IL10RB: variants seen among roughly 807,000 people sequenced by gnomAD.
IL10RB encodes interleukin 10 receptor subunit beta.
IL10RB carries 30 observed loss-of-function variants against 38.7 expected under a neutral mutation model. The ratio of observed to expected loss-of-function variants is 0.78; its 90% CI spans 0.58 to 1.05. The LOEUF (loss-of-function observed/expected upper bound fraction) is 1.05, where lower values mean the gene tolerates loss of function less well. IL10RB is among the 50% of genes least tolerant of loss of function. The pLI, the probability that IL10RB is intolerant of heterozygous loss-of-function variation, is 0.00. For missense variants in IL10RB, 328 were observed against 397.1 expected (o/e 0.83, Z 1.48); for synonymous variants, 142 against 145.9 (o/e 0.97, Z 0.19).
downstream of IL10RB, among the ~76,000 whole-genome samples, chr21:33,300,662 A>G (rs2082983733): frequency 6.6e-6 from 1 of 152,220 alleles, no homozygotes. Context: ...ATTCGTATGT[A>G]GAAATCTTTA....
intron 2 of IL10RB, among the ~76,000 whole-genome samples, chr21:33,271,089 G>A (rs1449154921): frequency 6.6e-6 from 1 of 152,200 alleles, no homozygotes; most frequent in African/African-American, 2.4e-5. Context: ...CCACACCTGG[G>A]TTCCAGGTCT....
At chr21:33,290,057 T>C (rs1289094791) in intron 6 of IL10RB, among the ~76,000 whole-genome samples, 1 of 151,720 alleles carries the variant, frequency 6.6e-6, no homozygotes, top group Admixed American at 6.6e-5. Context: ...GAGCTGGCAG[T>C]GAGCCAAGAT....
At chr21:33,275,939 A>C (rs967181493) in intron 2 of IL10RB, among the ~76,000 whole-genome samples, 5 of 152,248 alleles carry the variant, frequency 3.3e-5, no homozygotes, top group Admixed American at 6.5e-5. Context: ...CACTGATCAC[A>C]GATCACCATA....
chr21:33,299,049 AC>A (rs1309650003), downstream of IL10RB, among the ~76,000 whole-genome samples: 2 of 152,026 alleles, frequency 1.3e-5, no homozygotes, highest in Non-Finnish European at 1.5e-5. Flanking sequence ...TAAATCAAAC[AC>A]TGCCTCTTCA....
intron 5 of IL10RB, among the ~76,000 whole-genome samples, chr21:33,283,516 T>C (rs1989317954): frequency 2.6e-5 from 4 of 152,142 alleles, no homozygotes; most frequent in South Asian, 4.1e-4. Context: ...GCAGTACTTA[T>C]TCTACCATCC....
chr21:33,275,555 T>G (rs569048648), intron 2 of IL10RB, among the ~76,000 whole-genome samples: 2 of 152,378 alleles, frequency 1.3e-5, no homozygotes, highest in African/African-American at 4.8e-5. Flanking sequence ...GGGAATGGTG[T>G]GGCTGGTTTG....
At chr21:33,272,903 T>G (rs1989106753) in intron 2 of IL10RB, among the ~76,000 whole-genome samples, 1 of 152,242 alleles carries the variant, frequency 6.6e-6, no homozygotes, top group Non-Finnish European at 1.5e-5. Context: ...CCACTTCACT[T>G]TCTGTCATGT....
chr21:33,273,770 G>A (rs1258153862), intron 2 of IL10RB, among the ~76,000 whole-genome samples: 1 of 152,202 alleles, frequency 6.6e-6, no homozygotes, highest in African/African-American at 2.4e-5. Context: ...AATGTTCATA[G>A]CATCTTCACC....
At position 33,296,333 on chromosome 21, in the gene IL10RB, G is replaced by A. The variant is rs374161818; in HGVS notation, c.954G>A (p.Pro318=). 79 of 1,613,802 alleles carry A rather than the reference G, an allele frequency of 4.9e-5. No homozygotes were observed. The highest frequency in any genetic ancestry group is 2.9e-4 in the South Asian group (26 of 91,076). Residue 318 remains proline (P), a synonymous_variant, in exon 7 of 7, where the codon CCG becomes CCA. Coordinates refer to ENST00000290200, the MANE Select transcript of IL10RB (RefSeq NM_000628.5). ...NPGDSCSLGT[P]PGQGPQS ...GTGACAGCTGCAGCCTCGGGACCCCGCCTGGGCAGGGGCCCCAAAGCTAGG... is the reference window on the plus strand; with the variant it reads ...GTGACAGCTGCAGCCTCGGGACCCCACCTGGGCAGGGGCCCCAAAGCTAGG...
At chr21:33,286,333 T>C (rs1989374462) in intron 5 of IL10RB, among the ~76,000 whole-genome samples, 1 of 152,162 alleles carries the variant, frequency 6.6e-6, no homozygotes, top group African/African-American at 2.4e-5. Context: ...TTTGTTCTCT[T>C]GGCCCCTCTC....
intron 1 of IL10RB, among the ~76,000 whole-genome samples, chr21:33,303,311 T>C (rs1360579483): frequency 6.6e-6 from 1 of 151,468 alleles, no homozygotes; most frequent in African/African-American, 2.4e-5. Context: ...CTCTTGCTTC[T>C]GCCCCTGCAG....
intron 1 of IL10RB, among the ~76,000 whole-genome samples, chr21:33,306,299 A>G (rs1378746822): frequency 6.6e-6 from 1 of 152,228 alleles, no homozygotes; most frequent in Non-Finnish European, 1.5e-5. Flanking sequence ...CACAACATTG[A>G]CATTTTTATA....
intron 4 of IL10RB, among the ~76,000 whole-genome samples, chr21:33,280,344 A>G (rs1198617663): frequency 6.6e-6 from 1 of 152,314 alleles, no homozygotes; most frequent in South Asian, 2.1e-4. Context: ...CTTTAAAAAC[A>G]TGGGCTTGGA....
At chr21:33,305,074 A>C (rs1362277943) in intron 1 of IL10RB, among the ~76,000 whole-genome samples, 1 of 152,182 alleles carries the variant, frequency 6.6e-6, no homozygotes. Flanking sequence ...CGTGGGAGGA[A>C]GTACCATCTC....
rs776455147 is a variant in IL10RB at position 33,296,368 on chromosome 21, G to A, written c.*11G>A. 5.0e-6 allele frequency: 8 copies of A among 1,612,168 alleles called. No individual in the cohort carries two copies. The Admixed American group carries it at 1.2e-4, about 24-fold the overall frequency. ...GGGCCCCAAAGCTAGGCTCTGAGAA[G>A]GAAACACACTCGGCTGGGCACAGTG... On this transcript the variant is annotated 3_prime_UTR_variant, in exon 7 of 7. Transcript: ENST00000290200.
At chr21:33,286,648 C>T (rs907683925) in intron 5 of IL10RB, among the ~76,000 whole-genome samples, 6 of 151,240 alleles carry the variant, frequency 4.0e-5, no homozygotes, top group African/African-American at 7.3e-5. Flanking sequence ...CCCAGGAGTT[C>T]GAGACCAGCC....
At chr21:33,305,858 G>A (rs536519613) in intron 1 of IL10RB, among the ~76,000 whole-genome samples, 1 of 152,090 alleles carries the variant, frequency 6.6e-6, no homozygotes, top group African/African-American at 2.4e-5. Context: ...TTGAGATGGA[G>A]TCTTGCTCTG....
At chr21:33,303,350 CTTTTT>C (rs11340111) in intron 1 of IL10RB, among the ~76,000 whole-genome samples, 11 of 109,952 alleles carry the variant, frequency 1.0e-4, no homozygotes, top group African/African-American at 1.1e-4. Context: ...CTGTTACTTT[CTTTTT>C]TTTTTTTTTT....
intron 1 of IL10RB, chr21:33,268,127 A>C: frequency 1.7e-4 from 136 of 790,074 alleles, no homozygotes; most frequent in Middle Eastern, 4.1e-4. Context: ...TGCCCACCCT[A>C]CCCCCTCATA....
Sources: allele counts gnomAD v4.1 joint callset (sites outside exome capture counted in the v4.1 genomes callset), GRCh38; gene constraint gnomAD v4.1.1; transcripts MANE v1.5; gene names NCBI Gene and HGNC (gene_info 2026-07-23, HGNC 2026-07-21).